NELL1: variants seen among roughly 807,000 people sequenced by gnomAD.
The protein encoded by NELL1 is neural EGFL like 1.
In NELL1, 76 loss-of-function variants were observed where a neutral mutation model predicts 107.4. The ratio of observed to expected loss-of-function variants is 0.71; its 90% confidence interval spans 0.59 to 0.86. NELL1 has a LOEUF of 0.86. Ranked by LOEUF, NELL1 falls within the 40% of genes least tolerant of loss-of-function variation. The probability of loss-of-function intolerance (pLI) is 0.00; values close to 1 mark genes in which losing one functional copy is unlikely to be tolerated. For missense variants in NELL1, 1,024 were observed against 1,005.5 expected (o/e 1.02, Z -0.25); for synonymous variants, 353 against 341.2 (o/e 1.03, Z -0.38).
chr11:21,230,676 AT>A (rs1858024374), intron 14 of NELL1, among the ~76,000 whole-genome samples: 1 of 152,224 alleles, frequency 6.6e-6, no homozygotes, highest in Non-Finnish European at 1.5e-5. Flanking sequence ...GTGAAAAATA[AT>A]TTACAACGAC....
chr11:21,080,408 A>G (rs1197870652), intron 12 of NELL1, among the ~76,000 whole-genome samples: 1 of 152,150 alleles, frequency 6.6e-6, no homozygotes, highest in Non-Finnish European at 1.5e-5. Context: ...ATTTATGCAT[A>G]TAACCCTTTT....
chr11:21,101,467 T>C (rs1404365371), intron 12 of NELL1, among the ~76,000 whole-genome samples: 6 of 152,166 alleles, frequency 3.9e-5, no homozygotes, highest in Non-Finnish European at 8.8e-5. Flanking sequence ...AGTGTAAAAG[T>C]GTTCCTATTT....
rs189227116 is a variant in NELL1 at position 21,507,733 on chromosome 11, A to G, written c.1646-26641A>G. On this transcript the variant is annotated intron_variant, in intron 15 of 19. Coordinates refer to ENST00000357134, the MANE Select transcript of NELL1 (RefSeq NM_006157.5). Reference sequence around the variant, plus strand: ...TGAAAGTAAAGAAAATGAGAAATAAAAAATAAAAATATACCAGAGAGTTAT... The same window carrying G: ...TGAAAGTAAAGAAAATGAGAAATAAGAAATAAAAATATACCAGAGAGTTAT... Among the ~76,000 whole-genome samples, 248 of 152,244 alleles carry G rather than the reference A, an allele frequency of 1.6e-3. 4 individuals carry two copies. The highest frequency in any genetic ancestry group is 5.6e-3 in the African/African-American group (233 of 41,576).
chr11:20,911,806 T>A (rs1850138025), intron 5 of NELL1, among the ~76,000 whole-genome samples: 1 of 152,162 alleles, frequency 6.6e-6, no homozygotes, highest in Non-Finnish European at 1.5e-5. Context: ...CTCCTTAGAA[T>A]CCTGGATGCC....
intron 4 of NELL1, among the ~76,000 whole-genome samples, chr11:20,859,803 C>T (rs564477207): frequency 1.7e-5 from 1 of 60,564 alleles, no homozygotes; most frequent in South Asian, 1.2e-3. Context: ...TAAGAGAGCA[C>T]AGGAGGTAGG....
chr11:21,148,594 C>G (rs1451252032), intron 13 of NELL1, among the ~76,000 whole-genome samples: 3 of 152,156 alleles, frequency 2.0e-5, no homozygotes, highest in Non-Finnish European at 4.4e-5. Flanking sequence ...AGCGTGGGAT[C>G]AACTTCTCCC....
In NELL1 at chr11:21,430,098, T is replaced by C. The variant is rs570428273; in HGVS notation, c.1645+59150T>C. Among the ~76,000 whole-genome samples the C allele has an allele frequency of 1.4e-4, 22 of 152,314 alleles. No individual in the cohort carries two copies. The East Asian group carries it at 3.9e-3, about 27-fold the overall frequency. ...CCTTTGTGTTTAGCAGCAAATAATG[T>C]GAATCCATAAGCAAGTACATGGAAG... On this transcript the variant is annotated intron_variant, in intron 15 of 19. Coordinates refer to ENST00000357134, the MANE Select transcript of NELL1 (RefSeq NM_006157.5).
chr11:20,985,361 G>A (rs183993158), intron 12 of NELL1, among the ~76,000 whole-genome samples: 21 of 152,184 alleles, frequency 1.4e-4, no homozygotes, highest in African/African-American at 3.9e-4. Context: ...ATAAAATATA[G>A]CTATCATTTT....
intron 15 of NELL1, among the ~76,000 whole-genome samples, chr11:21,442,132 C>T (rs1479836065): frequency 6.6e-6 from 1 of 152,082 alleles, no homozygotes; most frequent in Non-Finnish European, 1.5e-5. Flanking sequence ...AAATAATTTA[C>T]AGCATTTACC....
chr11:21,451,231 A>G (rs971933296), intron 15 of NELL1, among the ~76,000 whole-genome samples: 3 of 151,932 alleles, frequency 2.0e-5, no homozygotes, highest in Non-Finnish European at 4.4e-5. Flanking sequence ...GAAAAAGAAA[A>G]AAGAAATTGA....
chr11:20,960,362 A>G, intron 11 of NELL1, 70 bp from the exon 12 acceptor site: 1 of 1,478,564 alleles, frequency 6.8e-7, no homozygotes, highest in Non-Finnish European at 9.3e-7. Flanking sequence ...AAAAAATGTT[A>G]CATACTTTAT....
intron 12 of NELL1, among the ~76,000 whole-genome samples, chr11:21,104,258 G>A (rs1854893037): frequency 6.6e-6 from 1 of 152,138 alleles, no homozygotes; most frequent in Non-Finnish European, 1.5e-5. Flanking sequence ...CACTCAATGT[G>A]TTTCTTTCCG....
intron 15 of NELL1, among the ~76,000 whole-genome samples, chr11:21,475,511 G>A (rs888651752): frequency 1.3e-5 from 2 of 152,256 alleles, no homozygotes; most frequent in African/African-American, 2.4e-5. Flanking sequence ...CCCTATGAGT[G>A]AACAAGATAT....
At chr11:21,337,827 T>TCTTGCTTG (rs1555006196) in intron 14 of NELL1, among the ~76,000 whole-genome samples, 27,805 of 104,758 alleles carry the variant, frequency 0.27, 4,466 homozygotes, top group South Asian at 0.34. Context: ...CTTCTTTCTT[T>TCTTGCTTG]CTTTCTTTCT....
chr11:21,313,052 C>CAAAATAAAAT lies in NELL1; in HGVS notation c.1550-57778_1550-57769dup, dbSNP rs10616259. On this transcript the variant is annotated intron_variant, in intron 14 of 19. Transcript: ENST00000357134. ...GATCATGCCACTGCACTCCCCGTCT[C>CAAAATAAAAT]AAAATAAAATAAAATAAAATAAAAT... 2.6e-3 allele frequency among the ~76,000 whole-genome samples: 390 copies of CAAAATAAAAT among 147,274 alleles called. 1 individual carries two copies. The highest frequency in any genetic ancestry group is 6.9e-3 in the Middle Eastern group (2 of 288).
intron 13 of NELL1, among the ~76,000 whole-genome samples, chr11:21,145,869 C>T (rs1451403742): frequency 6.6e-6 from 1 of 152,176 alleles, no homozygotes; most frequent in Non-Finnish European, 1.5e-5. Context: ...CTTTCACAAC[C>T]TCAGGGGTCT....
chr11:20,906,677 G>A (rs1042547830), intron 5 of NELL1, among the ~76,000 whole-genome samples: 2 of 151,880 alleles, frequency 1.3e-5, no homozygotes, highest in Non-Finnish European at 2.9e-5. Flanking sequence ...CCAGGAGAAT[G>A]GTTTAACATA....
chr11:20,898,658 A>G (rs1167120652), intron 5 of NELL1, among the ~76,000 whole-genome samples: 1 of 151,012 alleles, frequency 6.6e-6, no homozygotes, highest in Non-Finnish European at 1.5e-5. Context: ...CAGGACTAAG[A>G]TGCTATTTCA....
At position 21,489,404 on chromosome 11, in the gene NELL1, A is replaced by AAAAAAAAAAAC. The variant is rs1554922049; in HGVS notation, c.1646-44966_1646-44965insAAAAAACAAAA. Among the ~76,000 whole-genome samples the AAAAAAAAAAAC allele has an allele frequency of 2.1e-4, 29 of 137,266 alleles. 1 individual carries two copies. The highest frequency in any genetic ancestry group is 7.4e-4 in the African/African-American group (25 of 33,572). The allele number at this position is 137,266 out of a possible 152,430, so 90.1% of individuals were successfully genotyped here. ...TCAAAAAAAAAAAAAAAAAAAAAAA[A>AAAAAAAAAAAC]AAAACAGAAGAAAAGGGAACTCTCC... On this transcript the variant is annotated intron_variant, in intron 15 of 19. Transcript: ENST00000357134.
Sources: gnomAD v4.1 joint callset for allele counts (sites outside exome capture counted in the v4.1 genomes callset) on GRCh38, gnomAD v4.1.1 for gene constraint, MANE v1.5 for transcripts, NCBI Gene and HGNC (gene_info 2026-07-23, HGNC 2026-07-21) for gene names.